The following CD302 variants were observed in gnomAD, a reference collection of about 807,000 sequenced individuals.
CD302 encodes the protein CD302 antigen.
In CD302, 23 loss-of-function variants were observed where a neutral mutation model predicts 26.5. The observed-to-expected ratio is 0.87, with a 90% CI of 0.62 to 1.23. The LOEUF (loss-of-function observed/expected upper bound fraction) is 1.23. CD302 is among the 50% of genes most tolerant of loss of function. The pLI is 0.00. For missense variants in CD302, 290 were observed against 275.5 expected, an observed-to-expected ratio of 1.05 and a Z score of -0.37; for synonymous variants, 90 against 99.4, an observed-to-expected ratio of 0.91 and a Z score of 0.56.
rs551303787 is a variant in CD302 at position 159,786,996 on chromosome 2, T to G, written c.68-3527A>C. Among the ~76,000 whole-genome samples the G allele has an allele frequency of 2.0e-4, 31 of 152,372 alleles. No individual in the cohort carries two copies. In the South Asian group the frequency reaches 6.4e-3, roughly 32 times the overall value. ...CATTGTGTACTCTTTTGTGTCTGGCTTCTTTTGATAAATGTTACTTTAAAA... is the reference window on the plus strand; with the variant it reads ...CATTGTGTACTCTTTTGTGTCTGGCGTCTTTTGATAAATGTTACTTTAAAA... On this transcript the variant is annotated intron_variant, in intron 1 of 5. Transcript: ENST00000259053.
chr2:159,788,026 G>A (rs555242538), intron 1 of CD302, among the ~76,000 whole-genome samples: 1 of 151,842 alleles, frequency 6.6e-6, no homozygotes, highest in East Asian at 1.9e-4. Flanking sequence ...AGAATCACTT[G>A]AACCCAGGAG....
intron 3 of CD302, 111 bp downstream of exon 3, chr2:159,780,771 C>T (rs1235086230): frequency 1.0e-6 from 1 of 982,624 alleles, no homozygotes; most frequent in Non-Finnish European, 1.6e-6. Context: ...AATTTAACAC[C>T]TGGAGGCCAC....
At chr2:159,798,097 G>T in intron 1 of CD302, 35 bp downstream of exon 1, 1 of 1,490,446 alleles carries the variant, frequency 6.7e-7, no homozygotes, top group Non-Finnish European at 8.9e-7. Context: ...AGGCGGTCGC[G>T]CACGGTCCCG....
chr2:159,784,170 G>A (rs1405158985), intron 1 of CD302, among the ~76,000 whole-genome samples: 1 of 152,036 alleles, frequency 6.6e-6, no homozygotes, highest in Non-Finnish European at 1.5e-5. Context: ...AAAAGCAAAA[G>A]TAACCCTGCA....
In CD302 at chr2:159,770,457, G is replaced by C. The variant is rs777045582; in HGVS notation, c.*1394C>G. ...TTTCGATTCATGTGGTCAATAAAAA[G>C]AGACTACACAAGCTGGAACTTTGTT... is the stretch of plus-strand genomic sequence containing the variant. On this transcript the variant is annotated 3_prime_UTR_variant, in exon 6 of 6. Coordinates refer to ENST00000259053, the MANE Select transcript of CD302 (RefSeq NM_014880.5). 6.6e-6 allele frequency: 1 copy of C among 152,044 alleles called. No individual in the cohort carries two copies. The highest frequency in any genetic ancestry group is 1.5e-5 in the Non-Finnish European group (1 of 67,984). 9.4% of individuals were successfully genotyped at this position (152,044 alleles called of 1,614,324 possible).
In CD302 at chr2:159,780,125, C is replaced by G; in HGVS notation, c.349G>C (p.Asp117His). The G allele has an allele frequency of 6.2e-7, 1 of 1,614,136 alleles. No individual in the cohort carries two copies. Among genetic ancestry groups the G allele is most frequent in the South Asian group, 1.1e-5 (1 of 91,082 alleles). Residue 117 changes from aspartate (D) to histidine (H), a missense_variant, in exon 4 of 6, where the codon GAC becomes CAC. Coordinates refer to ENST00000259053, the MANE Select transcript of CD302 (RefSeq NM_014880.5). ...NSNMTFDKWT[D>H]QDDDEDLVDT... is the part of the protein sequence containing the mutation. ...ACTAAATCCTCATCATCATCTTGGT[C>G]TGTCCACTTATCAAATGTCATATTT...
intron 1 of CD302, among the ~76,000 whole-genome samples, chr2:159,794,517 A>T (rs934274183): frequency 3.2e-4 from 7 of 21,678 alleles, no homozygotes; most frequent in Non-Finnish European, 5.3e-4. Context: ...TTTCAAAATT[A>T]ATTAATTTAT....
At chr2:159,772,665 A>T (rs930420896) in intron 5 of CD302, among the ~76,000 whole-genome samples, 22 of 152,216 alleles carry the variant, frequency 1.4e-4, no homozygotes, top group East Asian at 1.2e-3. Flanking sequence ...TAGGAGAACA[A>T]ACATACTTTT....
chr2:159,785,225 T>C (rs1388150549), intron 1 of CD302, among the ~76,000 whole-genome samples: 10 of 152,180 alleles, frequency 6.6e-5, no homozygotes, highest in African/African-American at 1.2e-4. Flanking sequence ...TTCTCCCACC[T>C]TGGGCTTCCG....
chr2:159,779,516 C>T (rs1708444275), intron 4 of CD302, among the ~76,000 whole-genome samples: 1 of 152,118 alleles, frequency 6.6e-6, no homozygotes, highest in African/African-American at 2.4e-5. Flanking sequence ...AAAAGTATGC[C>T]TATTTCATGT....
chr2:159,798,002 A>C, intron 1 of CD302, 130 bp downstream of exon 1: 28 of 824,260 alleles, frequency 3.4e-5, no homozygotes, highest in Non-Finnish European at 4.3e-5. Context: ...CGTGCAGGGA[A>C]GGGCGGGATG....
At chr2:159,785,394 G>A (rs1019901556) in intron 1 of CD302, among the ~76,000 whole-genome samples, 6 of 152,130 alleles carry the variant, frequency 3.9e-5, no homozygotes, top group African/African-American at 1.4e-4. Flanking sequence ...CCACAATGCT[G>A]GCTTAAAGAT....
intron 1 of CD302, among the ~76,000 whole-genome samples, chr2:159,790,502 C>T (rs1033091504): frequency 1.3e-5 from 2 of 152,178 alleles, no homozygotes; most frequent in African/African-American, 4.8e-5. Flanking sequence ...CCCTCCTTCC[C>T]CTCTCTGCTG....
chr2:159,789,022 ATT>A lies in CD302; in HGVS notation c.68-5555_68-5554del, dbSNP rs56015039. ...CTTAACTGGGGTAAGGGTAACTCCA[ATT>A]TTTTTTTTTTTAAGACAAGATCTCT... On this transcript the variant is annotated intron_variant, in intron 1 of 5. Coordinates refer to ENST00000259053, the MANE Select transcript of CD302 (RefSeq NM_014880.5). Among the ~76,000 whole-genome samples the A allele has an allele frequency of 3.1e-4, 46 of 148,066 alleles. No individual in the cohort carries two copies. The South Asian group carries it at 3.2e-3, about 10-fold the overall frequency.
chr2:159,779,230 CAAAAAAAA>C (rs10710620), intron 4 of CD302, among the ~76,000 whole-genome samples: 2 of 47,772 alleles, frequency 4.2e-5, no homozygotes, highest in African/African-American at 1.0e-4. Context: ...GACTGCATCG[CAAAAAAAA>C]AAAAAAAAAA....
rs373973657 is a variant in CD302 at position 159,779,988 on chromosome 2, C to A, written c.469+17G>T. ...CTGCCCCTTCTAGAATGGAAAAACA[C>A]CTTCGGTCATACTTACTAGCTGTTT... On this transcript the variant is annotated intron_variant, in intron 4 of 5. Coordinates refer to ENST00000259053, the MANE Select transcript of CD302 (RefSeq NM_014880.5). The A allele has an allele frequency of 1.1e-5, 18 of 1,604,280 alleles. No individual in the cohort carries two copies. In the Middle Eastern group the frequency reaches 6.6e-4, roughly 59 times the overall value.
intron 3 of CD302, among the ~76,000 whole-genome samples, chr2:159,780,467 G>C (rs183106874): frequency 1.2e-3 from 178 of 152,194 alleles, no homozygotes; most frequent in Non-Finnish European, 2.3e-3. Flanking sequence ...AGTAACCTTA[G>C]TAATTTCATT....
intron 5 of CD302, among the ~76,000 whole-genome samples, chr2:159,773,074 T>G (rs1316931632): frequency 6.6e-6 from 1 of 152,170 alleles, no homozygotes; most frequent in Non-Finnish European, 1.5e-5. Context: ...CAAATGGGGT[T>G]CTTCCATAGT....
chr2:159,788,110 A>AG (rs1167850074), intron 1 of CD302, among the ~76,000 whole-genome samples: 5 of 152,124 alleles, frequency 3.3e-5, no homozygotes, highest in Non-Finnish European at 7.4e-5. Context: ...CGTCTCAAAA[A>AG]AAAAAAAAGA....
Sources: gnomAD v4.1 joint callset for allele counts (sites outside exome capture counted in the v4.1 genomes callset) on GRCh38, gnomAD v4.1.1 for gene constraint, MANE v1.5 for transcripts, NCBI Gene and HGNC (gene_info 2026-07-23, HGNC 2026-07-21) for gene names.